The following ONECUT3 variants were observed in gnomAD, a reference collection of about 807,000 sequenced individuals.
ONECUT3 encodes one cut homeobox 3, also known as one cut domain family member 3.
In ONECUT3, 11 loss-of-function variants were observed where a neutral mutation model predicts 16.8. The observed-to-expected ratio is 0.66, with a 90% confidence interval of 0.41 to 1.09. The LOEUF is 1.09. ONECUT3 is among the 50% of genes least tolerant of loss of function. The probability of loss-of-function intolerance (pLI) is 0.00; values close to 1 mark genes in which losing one functional copy is unlikely to be tolerated. For missense variants in ONECUT3, 637 were observed against 629.9 expected (o/e 1.01, Z -0.12); for synonymous variants, 344 against 310.7 (o/e 1.11, Z -1.13).
chr19:1,756,603 C>G (rs139386388), intron 1 of ONECUT3, among the ~76,000 whole-genome samples: 105 of 151,642 alleles, frequency 6.9e-4, no homozygotes, highest in African/African-American at 2.5e-3. Context: ...GATCTCGGCT[C>G]ACTGCAGCCT....
rs1482629808 is a variant in ONECUT3 at position 1,775,931 on chromosome 19, C to A, written c.*486C>A. 1 of 151,810 alleles carries A rather than the reference C, an allele frequency of 6.6e-6. No individual in the cohort carries two copies. Among genetic ancestry groups the A allele is most frequent in the African/African-American group, 2.4e-5 (1 of 41,110 alleles). The allele number at this position is 151,810 out of a possible 1,614,324, so 9.4% of individuals were successfully genotyped here. A position where few individuals can be genotyped will look rare whatever the true frequency, so the allele number is the denominator to read the frequency against. On this transcript the variant is annotated 3_prime_UTR_variant, in exon 2 of 2. Coordinates refer to ENST00000382349, the MANE Select transcript of ONECUT3 (RefSeq NM_001080488.2). ...CTTCCTTCCTCCCCACCCGCCCCGG[C>A]CCCCTCCCCAGGGACCTCAGCCCTT...
In ONECUT3 at chr19:1,762,638, A is replaced by AGACCCGG. The variant is rs953817430; in HGVS notation, c.1192+7796_1192+7802dup. 6.6e-6 allele frequency among the ~76,000 whole-genome samples: 1 copy of AGACCCGG among 152,224 alleles called. No individual in the cohort carries two copies. The highest frequency in any genetic ancestry group is 1.5e-5 in the Non-Finnish European group (1 of 68,034). On this transcript the variant is annotated intron_variant, in intron 1 of 1. Transcript: ENST00000382349. This position sits in a 1 kb window ranked among gnomAD's most constrained non-coding sequence, Gnocchi z 4.4. Reference sequence around the variant, plus strand: ...TGGACGCACGTGCCCCGGCGCCAGGAGACCCGGGACCCGGGACCACGCGCC... The same window carrying AGACCCGG: ...TGGACGCACGTGCCCCGGCGCCAGGAGACCCGGGACCCGGGACCCGGGACCACGCGCC...
chr19:1,766,564 A>AGAGG lies in ONECUT3; in HGVS notation c.1193-8579_1193-8576dup, dbSNP rs1328422795. Among the ~76,000 whole-genome samples, 2 of 132,250 alleles carry AGAGG rather than the reference A, an allele frequency of 1.5e-5. No individual in the cohort carries two copies. The highest frequency in any genetic ancestry group is 5.8e-5 in the African/African-American group (2 of 34,650). The allele number at this position is 132,250 out of a possible 152,430, so 86.8% of individuals were successfully genotyped here. On this transcript the variant is annotated intron_variant, in intron 1 of 1. Transcript: ENST00000382349. The surrounding 1 kb of genome is among the most constrained non-coding windows in gnomAD (Gnocchi z 4.0). Reference sequence around the variant, plus strand: ...AGGAAAAGAAAAGAGCAGAGAGGGGAGAGGGAGGGAGGGTGAGTGGAAAAG... The same window carrying AGAGG: ...AGGAAAAGAAAAGAGCAGAGAGGGGAGAGGGAGGGAGGGAGGGTGAGTGGAAAAG...
At position 1,758,314 on chromosome 19, in the gene ONECUT3, AAAGAGAG is replaced by A. The variant is rs1342696061; in HGVS notation, c.1192+3462_1192+3468del. ...GGCAGAGAGACCAAAAAAAAAAAAA[AAAGAGAG>A]AGAGAGAGAGAGAGACAGAGATGGG... On this transcript the variant is annotated intron_variant, in intron 1 of 1. Transcript: ENST00000382349. The surrounding 1 kb of genome is among the most constrained non-coding windows in gnomAD (Gnocchi z 5.9). Among the ~76,000 whole-genome samples, 1,022 of 124,450 alleles carry A rather than the reference AAAGAGAG, an allele frequency of 8.2e-3. 6 individuals are homozygous for A. Among genetic ancestry groups the A allele is most frequent in the Non-Finnish European group, 0.014 (805 of 59,206 alleles). 81.6% of individuals were successfully genotyped at this position (124,450 alleles called of 152,430 possible). A position where few individuals can be genotyped will look rare whatever the true frequency, so the allele number is the denominator to read the frequency against.
rs914785686 is a variant in ONECUT3 at position 1,766,817 on chromosome 19, C to A, written c.1193-8336C>A. 6.6e-6 allele frequency among the ~76,000 whole-genome samples: 1 copy of A among 151,896 alleles called. No individual in the cohort carries two copies. Among genetic ancestry groups the A allele is most frequent in the Non-Finnish European group, 1.5e-5 (1 of 68,000 alleles). The stretch of plus-strand genomic sequence containing the variant: ...TGCAGGCTGGGCTGAGACCCCCCCC[C>A]CATGCTCCACCACCCTCGTGTAGGA... On this transcript the variant is annotated intron_variant, in intron 1 of 1. Coordinates refer to ENST00000382349, the MANE Select transcript of ONECUT3 (RefSeq NM_001080488.2). This position sits in a 1 kb window ranked among gnomAD's most constrained non-coding sequence, Gnocchi z 4.0.
At chr19:1,769,039 G>T in intron 1 of ONECUT3, among the ~76,000 whole-genome samples, 1 of 79,662 alleles carries the variant, frequency 1.3e-5, no homozygotes, top group African/African-American at 5.2e-5. Flanking sequence ...TGGAGGTGAC[G>T]GTGGAGGTGG....
At chr19:1,765,569 C>A (rs1474877151) in intron 1 of ONECUT3, among the ~76,000 whole-genome samples, 1 of 152,174 alleles carries the variant, frequency 6.6e-6, no homozygotes, top group African/African-American at 2.4e-5. Context: ...GAGGCCAGCT[C>A]CTGGAGCTGC....
chr19:1,756,033 GC>G (rs771426310), intron 1 of ONECUT3, among the ~76,000 whole-genome samples: 30 of 152,218 alleles, frequency 2.0e-4, no homozygotes, highest in Non-Finnish European at 4.3e-4. Flanking sequence ...GGCGAGAAAG[GC>G]GGGGGCTCTG....
chr19:1,758,331 G>GAC lies in ONECUT3; in HGVS notation c.1192+3478_1192+3479insCA, dbSNP rs2067928756. 1.2e-4 allele frequency among the ~76,000 whole-genome samples: 17 copies of GAC among 146,204 alleles called. No individual in the cohort carries two copies. In the South Asian group the frequency reaches 1.5e-3, roughly 13 times the overall value. ...AAAAAAAAAAAGAGAGAGAGAGAGA[G>GAC]AGAGACAGAGATGGGAGAGGAACTC... On this transcript the variant is annotated intron_variant, in intron 1 of 1. Transcript: ENST00000382349. This position sits in a 1 kb window ranked among gnomAD's most constrained non-coding sequence, Gnocchi z 5.9.
chr19:1,761,093 T>C lies in ONECUT3; in HGVS notation c.1192+6239T>C, dbSNP rs1311396966. Among the ~76,000 whole-genome samples the C allele has an allele frequency of 5.2e-5, 7 of 134,474 alleles. No homozygotes were observed. The Admixed American group carries it at 6.3e-4, about 12-fold the overall frequency. The allele number at this position is 134,474 out of a possible 152,430, so 88.2% of individuals were successfully genotyped here. On this transcript the variant is annotated intron_variant, in intron 1 of 1. Coordinates refer to ENST00000382349, the MANE Select transcript of ONECUT3 (RefSeq NM_001080488.2). ...TGGAGATGGAGTTTTGCTCTTGTCG[T>C]CCAGGCTGGAGTGCAGTGGCGCAAC... is the stretch of plus-strand genomic sequence containing the variant.
rs745652947 is a variant in ONECUT3 at position 1,775,199 on chromosome 19, G to T, written c.1239G>T (p.Gln413His). The T allele has an allele frequency of 6.8e-7, 1 of 1,479,020 alleles. No individual in the cohort carries two copies. The allele number at this position is 1,479,020 out of a possible 1,614,324, so 91.6% of individuals were successfully genotyped here. ...AGCAGCAGAAGGAGCGCGCCCTGCA[G>T]CCCAAGAAGCAGCGCCTGGTGTTCA... ...EQEQQKERAL[Q>H]PKKQRLVFTD... Residue 413 changes from glutamine (Q) to histidine (H), a missense_variant, in exon 2 of 2, where the codon CAG becomes CAT. Physicochemically the swap from Gln to His is conservative, Grantham distance 24. Around this residue, in one of 3 missense-constraint regions of ONECUT3, gnomAD observed 183 missense variants for 188.3 expected, o/e 0.97. Transcript: ENST00000382349.
At chr19:1,761,459 C>T (rs2067945877) in intron 1 of ONECUT3, among the ~76,000 whole-genome samples, 1 of 152,190 alleles carries the variant, frequency 6.6e-6, no homozygotes, top group Non-Finnish European at 1.5e-5. Context: ...TCCCCAGAGC[C>T]CTAAAATATA....
intron 1 of ONECUT3, among the ~76,000 whole-genome samples, chr19:1,772,549 C>A (rs2068064723): frequency 6.6e-6 from 1 of 152,044 alleles, no homozygotes; most frequent in African/African-American, 2.4e-5. Flanking sequence ...TTGATCATCT[C>A]TTCCTCTATT....
intron 1 of ONECUT3, among the ~76,000 whole-genome samples, chr19:1,770,858 G>C (rs1167081568): frequency 6.6e-6 from 1 of 152,112 alleles, no homozygotes; most frequent in Non-Finnish European, 1.5e-5. Flanking sequence ...AAGGCTCCCT[G>C]GTACACTGTT....
At chr19:1,763,063 T>G (rs762006466) in intron 1 of ONECUT3, among the ~76,000 whole-genome samples, 7 of 151,834 alleles carry the variant, frequency 4.6e-5, no homozygotes, top group Non-Finnish European at 1.0e-4. Context: ...ATAAAAATGT[T>G]TTTAAATTAG....
rs2067926032 is a variant in ONECUT3 at position 1,758,036 on chromosome 19, G to A, written c.1192+3182G>A. Among the ~76,000 whole-genome samples, 1 of 152,196 alleles carries A rather than the reference G, an allele frequency of 6.6e-6. No homozygotes were observed. The highest frequency in any genetic ancestry group is 1.5e-5 in the Non-Finnish European group (1 of 68,026). On this transcript the variant is annotated intron_variant, in intron 1 of 1. Transcript: ENST00000382349. This position sits in a 1 kb window ranked among gnomAD's most constrained non-coding sequence, Gnocchi z 5.9. ...CGTCGCGCTTGCCCGGCTCGGGGCG[G>A]GCCACGCGTTTCCGCAGGTGCCGAG...
At chr19:1,765,866 G>A (rs1224163549) in intron 1 of ONECUT3, among the ~76,000 whole-genome samples, 3 of 152,194 alleles carry the variant, frequency 2.0e-5, no homozygotes, top group Non-Finnish European at 2.9e-5. Context: ...GGGGCTGGGC[G>A]GACATGGATG....
At position 1,770,540 on chromosome 19, in the gene ONECUT3, C is replaced by A. The variant is rs1479577435; in HGVS notation, c.1193-4613C>A. Among the ~76,000 whole-genome samples the A allele has an allele frequency of 2.6e-5, 4 of 152,034 alleles. No individual in the cohort carries two copies. The East Asian group carries it at 7.7e-4, about 29-fold the overall frequency. On this transcript the variant is annotated intron_variant, in intron 1 of 1. Transcript: ENST00000382349. ...TTCTGAGGAGCATTTGTATTTCTGT[C>A]CCTACTGTAAATGTAGGATAAATTT...
intron 1 of ONECUT3, among the ~76,000 whole-genome samples, chr19:1,772,830 A>AT (rs1188327605): frequency 7.0e-6 from 1 of 143,118 alleles, no homozygotes; most frequent in Non-Finnish European, 1.5e-5. Context: ...AGTAGCTGGG[A>AT]TTACAGGCAT....
Sources: allele counts gnomAD v4.1 joint callset (sites outside exome capture counted in the v4.1 genomes callset), GRCh38; gene constraint gnomAD v4.1.1; regional missense constraint gnomAD v4.1.1; non-coding constraint Gnocchi (gnomAD v3.1); transcripts MANE v1.5; gene names NCBI Gene and HGNC (gene_info 2026-07-23, HGNC 2026-07-21).